OSBPL10: variants seen among roughly 807,000 people sequenced by gnomAD.
OSBPL10 encodes oxysterol-binding protein-related protein 10.
A neutral mutation model predicts 81.7 loss-of-function variants in OSBPL10; 49 were observed. The observed-to-expected ratio is 0.60, with a 90% CI of 0.48 to 0.76. The LOEUF (loss-of-function observed/expected upper bound fraction) is 0.76. Ranked by LOEUF, OSBPL10 falls within the 30% of genes least tolerant of loss-of-function variation. The pLI is 0.00. For synonymous variants in OSBPL10, 419 were observed against 383.6 expected (o/e 1.09, Z -1.08); for missense variants, 923 against 987.8 (o/e 0.93, Z 0.88).
At chr3:31,924,771 G>A (rs1697023247) in intron 1 of OSBPL10, among the ~76,000 whole-genome samples, 1 of 152,092 alleles carries the variant, frequency 6.6e-6, no homozygotes, top group African/African-American at 2.4e-5. Flanking sequence ...TACCACTAAG[G>A]CAGCTATACA....
intron 1 of OSBPL10, among the ~76,000 whole-genome samples, chr3:32,057,844 G>A (rs1699724811): frequency 6.6e-6 from 1 of 152,156 alleles, no homozygotes; most frequent in Non-Finnish European, 1.5e-5. Flanking sequence ...CTCAGGTGGG[G>A]GACCAACCCA....
chr3:31,829,885 C>A (rs1281948175), intron 4 of OSBPL10, among the ~76,000 whole-genome samples, 155 bp downstream of exon 4: 2 of 152,062 alleles, frequency 1.3e-5, no homozygotes, highest in African/African-American at 4.8e-5. Flanking sequence ...TTTTTTTAAA[C>A]CAGGAAGGAC....
intron 8 of OSBPL10, among the ~76,000 whole-genome samples, chr3:31,677,728 A>T (rs1700516669): frequency 6.6e-6 from 1 of 152,136 alleles, no homozygotes; most frequent in Non-Finnish European, 1.5e-5. Context: ...AGGAGCTATG[A>T]TCCTGAGACC....
At chr3:31,727,972 C>T (rs1040932081) in intron 6 of OSBPL10, among the ~76,000 whole-genome samples, 1 of 152,146 alleles carries the variant, frequency 6.6e-6, no homozygotes, top group African/African-American at 2.4e-5. Context: ...ACCATTCAAT[C>T]AAAAGCATGA....
chr3:32,030,493 A>G, intron 2 of OSBPL10: 2 of 708,148 alleles, frequency 2.8e-6, no homozygotes. Flanking sequence ...TAAGCACTCT[A>G]AGGGCTGAGA....
intron 1 of OSBPL10, among the ~76,000 whole-genome samples, chr3:31,902,576 T>G (rs1479680058): frequency 2.6e-5 from 4 of 151,496 alleles, no homozygotes; most frequent in Non-Finnish European, 4.4e-5. Flanking sequence ...CTGCCAGTGT[T>G]TTTTGAGACA....
intron 6 of OSBPL10, among the ~76,000 whole-genome samples, chr3:31,725,004 C>T (rs1696762554): frequency 6.6e-6 from 1 of 152,194 alleles, no homozygotes; most frequent in Non-Finnish European, 1.5e-5. Flanking sequence ...CCAGGACCTA[C>T]ACAGTCTTAG....
In OSBPL10 at chr3:31,977,945, A is replaced by G. The variant is rs1052860626; in HGVS notation, c.281+2954T>C. 2.6e-5 allele frequency among the ~76,000 whole-genome samples: 4 copies of G among 152,190 alleles called. No homozygotes were observed. The South Asian group carries it at 6.2e-4, about 24-fold the overall frequency. ...CCTGAGTTGAGCACGTTCCCATCAT[A>G]CAGTGTTCTTCTCTGTGACCTCTCT... On this transcript the variant is annotated intron_variant, in intron 1 of 11. Transcript: ENST00000396556.
intron 2 of OSBPL10, among the ~76,000 whole-genome samples, chr3:32,017,632 G>A (rs1179582341): frequency 6.6e-6 from 1 of 152,168 alleles, no homozygotes; most frequent in South Asian, 2.1e-4. Flanking sequence ...CAAAGCCCCG[G>A]AAAGTACACT....
chr3:31,892,586 A>G (rs1695925855), intron 1 of OSBPL10, among the ~76,000 whole-genome samples: 1 of 152,228 alleles, frequency 6.6e-6, no homozygotes, highest in African/African-American at 2.4e-5. Context: ...TCAGAACAGT[A>G]GAAACTGACC....
chr3:31,967,943 G>C (rs890975254), intron 1 of OSBPL10, among the ~76,000 whole-genome samples: 1 of 152,162 alleles, frequency 6.6e-6, no homozygotes, highest in African/African-American at 2.4e-5. Context: ...TAAGTATATA[G>C]TGCACACCCC....
intron 4 of OSBPL10, among the ~76,000 whole-genome samples, chr3:31,767,205 C>G (rs1698227318): frequency 6.6e-6 from 1 of 152,162 alleles, no homozygotes; most frequent in Non-Finnish European, 1.5e-5. Flanking sequence ...TTCAAGAGCC[C>G]TCTTGTGTTT....
intron 4 of OSBPL10, 113 bp from the exon 5 acceptor site, chr3:31,748,233 G>A (rs1235070826): frequency 5.7e-6 from 5 of 880,488 alleles, no homozygotes; most frequent in South Asian, 1.5e-5. Flanking sequence ...TCAACTCAGC[G>A]TGTTCGGTGC....
chr3:31,685,597 TG>T (rs933011623), intron 7 of OSBPL10, among the ~76,000 whole-genome samples: 1 of 152,218 alleles, frequency 6.6e-6, no homozygotes, highest in Non-Finnish European at 1.5e-5. Flanking sequence ...CCAGACCTGC[TG>T]GGCCACGCAG....
intron 3 of OSBPL10, among the ~76,000 whole-genome samples, chr3:31,835,999 C>T (rs530452435): frequency 1.3e-5 from 2 of 152,294 alleles, no homozygotes; most frequent in East Asian, 3.9e-4. Context: ...TTGACCTCCT[C>T]ATTTGCATTG....
intron 4 of OSBPL10, among the ~76,000 whole-genome samples, chr3:31,817,728 A>T (rs1170045131): frequency 6.6e-6 from 1 of 152,044 alleles, no homozygotes; most frequent in East Asian, 1.9e-4. Flanking sequence ...GGTTTGGGTG[A>T]CTGCAGCAGC....
intron 4 of OSBPL10, among the ~76,000 whole-genome samples, chr3:31,766,528 T>TG (rs1334172066): frequency 6.6e-6 from 1 of 151,722 alleles, no homozygotes; most frequent in Non-Finnish European, 1.5e-5. Context: ...TTGGTAGAGA[T>TG]GGGGTCTCAT....
intron 1 of OSBPL10, among the ~76,000 whole-genome samples, chr3:31,885,470 C>G (rs553697801): frequency 5.9e-5 from 9 of 152,340 alleles, no homozygotes; most frequent in Non-Finnish European, 1.3e-4. Context: ...TACCCACTCA[C>G]TGTGCCTTGC....
intron 4 of OSBPL10, among the ~76,000 whole-genome samples, chr3:31,823,904 T>C (rs1439671634): frequency 6.6e-6 from 1 of 151,786 alleles, no homozygotes; most frequent in African/African-American, 2.4e-5. Flanking sequence ...TAGGCTGCAG[T>C]GCAGTGGCAT....
Sources: gnomAD v4.1 joint callset for allele counts (sites outside exome capture counted in the v4.1 genomes callset) on GRCh38, gnomAD v4.1.1 for gene constraint, MANE v1.5 for transcripts, NCBI Gene and HGNC (gene_info 2026-07-23, HGNC 2026-07-21) for gene names.